The following ARHGAP28 variants were observed in gnomAD, a reference collection of about 807,000 sequenced individuals.
ARHGAP28 encodes Rho GTPase activating protein 28.
In ARHGAP28, 56 loss-of-function variants were observed where a neutral mutation model predicts 90.7. That is an observed-to-expected ratio of 0.62 (90% CI 0.50 to 0.77). The LOEUF is 0.77. ARHGAP28 is among the 30% of genes least tolerant of loss of function. The probability of loss-of-function intolerance (pLI) is 0.00; values close to 1 mark genes in which losing one functional copy is unlikely to be tolerated. For missense variants in ARHGAP28, 869 were observed against 900.9 expected (o/e 0.96, Z 0.45); for synonymous variants, 308 against 323.3 (o/e 0.95, Z 0.51).
intron 16 of ARHGAP28, among the ~76,000 whole-genome samples, chr18:6,907,796 T>C (rs981061683): frequency 2.0e-5 from 3 of 152,198 alleles, no homozygotes; most frequent in African/African-American, 4.8e-5. Context: ...GAGATGTTAC[T>C]ATTGAGAGAA....
chr18:6,825,517 G>T (rs1203275986), intron 2 of ARHGAP28, among the ~76,000 whole-genome samples: 2 of 152,088 alleles, frequency 1.3e-5, no homozygotes, highest in Non-Finnish European at 2.9e-5. Flanking sequence ...TATACAAGGG[G>T]TACATGTGCA....
intron 2 of ARHGAP28, among the ~76,000 whole-genome samples, chr18:6,826,839 C>T (rs1409358775): frequency 6.6e-6 from 1 of 152,046 alleles, no homozygotes; most frequent in Non-Finnish European, 1.5e-5. Context: ...CTGCGGCCTT[C>T]CGCAGTGTTT....
chr18:6,855,043 G>A (rs1335713565), intron 4 of ARHGAP28, among the ~76,000 whole-genome samples: 1 of 152,228 alleles, frequency 6.6e-6, no homozygotes, highest in African/African-American at 2.4e-5. Context: ...GCCGAGGTGG[G>A]TGCTGAGGGC....
At chr18:6,827,387 G>A (rs1174679388) in intron 2 of ARHGAP28, among the ~76,000 whole-genome samples, 3 of 139,340 alleles carry the variant, frequency 2.2e-5, no homozygotes, top group East Asian at 2.2e-4. Flanking sequence ...ACCTCCCTCC[G>A]AGATGGGGCG....
intron 1 of ARHGAP28, among the ~76,000 whole-genome samples, chr18:6,760,969 C>T (rs565268024): frequency 1.3e-5 from 2 of 152,240 alleles, no homozygotes; most frequent in East Asian, 3.9e-4. Context: ...AAGATGAGAT[C>T]GTGGTATTAT....
chr18:6,811,667 T>C (rs2056557546), intron 1 of ARHGAP28, among the ~76,000 whole-genome samples: 1 of 152,178 alleles, frequency 6.6e-6, no homozygotes, highest in Non-Finnish European at 1.5e-5. Flanking sequence ...CTATTTTTTT[T>C]TCTACTACAA....
chr18:6,882,340 G>C (rs1311398019), intron 11 of ARHGAP28, 41 bp downstream of exon 11: 1 of 1,563,726 alleles, frequency 6.4e-7, no homozygotes, highest in Non-Finnish European at 8.7e-7. Context: ...TAAGATATAA[G>C]GTCAATAAAG....
chr18:6,791,724 G>T (rs1478717105), intron 1 of ARHGAP28: 1 of 151,932 alleles, frequency 6.6e-6, no homozygotes, highest in Non-Finnish European at 1.5e-5. Context: ...CACTATGGTT[G>T]TATTGCTGTA....
At position 6,887,204 on chromosome 18, in the gene ARHGAP28, A is replaced by C. The variant is rs768612992; in HGVS notation, c.1501A>C (p.Met501Leu). ...VQFQALHLMV[M>L]ALPDANRDAA... The stretch of plus-strand genomic sequence containing the variant: ...GTTTCAAGCCTTACACCTCATGGTC[A>C]TGGCGCTGCCTGATGCCAACAGAGA... Residue 501 changes from methionine to leucine, a missense_variant, in exon 12 of 18, where the codon ATG becomes CTG. Physicochemically the swap from Met to Leu is conservative, Grantham distance 15 (BLOSUM62 2). Transcript: ENST00000383472. The C allele has an allele frequency of 6.2e-7, 1 of 1,614,168 alleles. No homozygotes were observed. Among genetic ancestry groups the C allele is most frequent in the Non-Finnish European group, 8.5e-7 (1 of 1,180,034 alleles).
intron 1 of ARHGAP28, among the ~76,000 whole-genome samples, chr18:6,814,565 G>A (rs181638090): frequency 1.3e-5 from 2 of 152,308 alleles, no homozygotes; most frequent in Admixed American, 6.5e-5. Context: ...CTAAATGGCT[G>A]CATTCCAGCA....
At chr18:6,745,697 G>A (rs948929532) in intron 1 of ARHGAP28, among the ~76,000 whole-genome samples, 2 of 152,114 alleles carry the variant, frequency 1.3e-5, no homozygotes, top group African/African-American at 4.8e-5. Flanking sequence ...TTGCCTGTTC[G>A]TGGAAGCCAT....
intron 1 of ARHGAP28, among the ~76,000 whole-genome samples, chr18:6,782,487 G>A (rs1001379412): frequency 1.7e-4 from 26 of 150,974 alleles, no homozygotes; most frequent in East Asian, 3.9e-4. Context: ...GCACGATCTC[G>A]GCTCACTGCA....
At chr18:6,898,471 T>A in intron 16 of ARHGAP28, 5 of 1,613,824 alleles carry the variant, frequency 3.1e-6, no homozygotes, top group Non-Finnish European at 4.2e-6. Context: ...CTTTCCTTCC[T>A]AAATGGAAAA....
chr18:6,827,793 G>T (rs551164366), intron 2 of ARHGAP28, among the ~76,000 whole-genome samples: 121 of 152,148 alleles, frequency 8.0e-4, no homozygotes, highest in Admixed American at 3.5e-3. Flanking sequence ...CAGACGGGGC[G>T]GCCGGGCAGA....
chr18:6,789,123 C>T (rs2056387717), intron 1 of ARHGAP28: 1 of 152,160 alleles, frequency 6.6e-6, no homozygotes, highest in South Asian at 2.1e-4. Flanking sequence ...GTAGCAAGGT[C>T]TGTGTGTTGG....
chr18:6,824,232 CATT>C (rs1480025979), intron 1 of ARHGAP28, among the ~76,000 whole-genome samples: 2 of 152,096 alleles, frequency 1.3e-5, no homozygotes, highest in Non-Finnish European at 2.9e-5. Flanking sequence ...GCCACAGAGT[CATT>C]ATAAAGTACA....
chr18:6,841,160 TCTCTCTCCTCTCTCTCTCTC>T (rs1355063311), intron 3 of ARHGAP28, among the ~76,000 whole-genome samples: 6 of 71,096 alleles, frequency 8.4e-5, no homozygotes, highest in African/African-American at 2.2e-4. Context: ...CTCCTCTTTC[TCTCTCTCCTCTCTCTCTCTC>T]CTCTCTCTCT....
At chr18:6,798,821 G>T (rs75769343) in intron 1 of ARHGAP28, among the ~76,000 whole-genome samples, 4,607 of 152,216 alleles carry the variant, frequency 0.03, 155 homozygotes, top group African/African-American at 0.08. Context: ...CCACCAAAGT[G>T]ATTTAAATAA....
At chr18:6,831,852 G>T (rs2056719397) in intron 2 of ARHGAP28, among the ~76,000 whole-genome samples, 1 of 151,950 alleles carries the variant, frequency 6.6e-6, no homozygotes, top group Non-Finnish European at 1.5e-5. Context: ...TAAACATGAT[G>T]GTAATTGTAA....
Sources: allele counts gnomAD v4.1 joint callset (sites outside exome capture counted in the v4.1 genomes callset), GRCh38; gene constraint gnomAD v4.1.1; transcripts MANE v1.5; gene names NCBI Gene and HGNC (gene_info 2026-07-23, HGNC 2026-07-21).